Variants in CNGB3 observed in about 807,000 individuals in gnomAD.
The protein encoded by CNGB3 is cyclic nucleotide gated channel subunit beta 3.
Under a neutral mutation model 92.8 loss-of-function variants are expected in CNGB3, and 86 were observed. The ratio of observed to expected loss-of-function variants is 0.93; its 90% CI spans 0.78 to 1.11. The LOEUF (loss-of-function observed/expected upper bound fraction) is 1.11. CNGB3 is among the 50% of genes least tolerant of loss of function. CNGB3 has a pLI of 0.00. For synonymous variants in CNGB3, 333 were observed against 332.7 expected (o/e 1.00, Z -0.01); for missense variants, 1,026 against 956.8 (o/e 1.07, Z -0.95).
chr8:86,680,846 C>T (rs1824069017), intron 3 of CNGB3, among the ~76,000 whole-genome samples: 1 of 151,954 alleles, frequency 6.6e-6, no homozygotes. Flanking sequence ...CAGGTGTAGG[C>T]AATAAATGGG....
intron 3 of CNGB3, among the ~76,000 whole-genome samples, chr8:86,683,862 T>G (rs149133609): frequency 8.5e-5 from 13 of 152,276 alleles, no homozygotes; most frequent in African/African-American, 3.1e-4. Flanking sequence ...TGGACTTAAG[T>G]GGAGAACATA....
chr8:86,743,369 A>G (rs1825374018), intron 1 of CNGB3, 130 bp downstream of exon 1: 1 of 985,310 alleles, frequency 1.0e-6, no homozygotes, highest in Non-Finnish European at 1.6e-6. Flanking sequence ...GATAAGCCCG[A>G]CACAGTACAT....
chr8:86,577,060 G>A (rs1821674750), intron 17 of CNGB3, among the ~76,000 whole-genome samples: 1 of 152,054 alleles, frequency 6.6e-6, no homozygotes, highest in Non-Finnish European at 1.5e-5. Context: ...CTGAATCCCT[G>A]CTCTGTCTGT....
At chr8:86,624,895 CTT>C (rs112354214) in intron 13 of CNGB3, among the ~76,000 whole-genome samples, 3 of 152,290 alleles carry the variant, frequency 2.0e-5, no homozygotes, top group African/African-American at 7.2e-5. Context: ...GCACCATCCC[CTT>C]TGGTACTGTC....
chr8:86,645,849 A>G (rs950848210), intron 8 of CNGB3, among the ~76,000 whole-genome samples: 4 of 151,216 alleles, frequency 2.6e-5, no homozygotes, highest in Non-Finnish European at 4.5e-5. Context: ...AATAAAATGT[A>G]TATTCATTTG....
At chr8:86,730,927 T>TA (rs1825145625) in intron 2 of CNGB3, among the ~76,000 whole-genome samples, 1 of 152,156 alleles carries the variant, frequency 6.6e-6, no homozygotes, top group African/African-American at 2.4e-5. Context: ...TACTTTATAT[T>TA]AAAAACATGT....
At chr8:86,583,829 A>G (rs1821839217) in intron 15 of CNGB3, among the ~76,000 whole-genome samples, 1 of 148,688 alleles carries the variant, frequency 6.7e-6, no homozygotes, top group African/African-American at 2.5e-5. Flanking sequence ...CTGAGGTAGA[A>G]GGATCACTTG....
At chr8:86,719,727 C>T (rs764328108) in intron 3 of CNGB3, among the ~76,000 whole-genome samples, 8 of 152,170 alleles carry the variant, frequency 5.3e-5, no homozygotes, top group Admixed American at 3.3e-4. Context: ...GGAGGCATCA[C>T]ATTACCCAAC....
intron 3 of CNGB3, among the ~76,000 whole-genome samples, chr8:86,678,028 T>A (rs1824008990): frequency 6.6e-6 from 1 of 152,204 alleles, no homozygotes; most frequent in South Asian, 2.1e-4. Flanking sequence ...TCAATTTTTT[T>A]AAAACCCACT....
At chr8:86,718,346 A>T (rs1308298313) in intron 3 of CNGB3, among the ~76,000 whole-genome samples, 1 of 152,174 alleles carries the variant, frequency 6.6e-6, no homozygotes, top group Non-Finnish European at 1.5e-5. Flanking sequence ...ATTACTACTG[A>T]TACCACAGAA....
Position 86,575,533 on chromosome 8 carries a change from C to A in CNGB3, c.*271G>T. Reference sequence around the variant, plus strand: ...GGAAGAGACATCATCAGGAAAGAACCAAAGGAAAAGGAAACTTACTACATA... The same window carrying A: ...GGAAGAGACATCATCAGGAAAGAACAAAAGGAAAAGGAAACTTACTACATA... On this transcript the variant is annotated 3_prime_UTR_variant, in exon 18 of 18. Transcript: ENST00000320005. 6.0e-6 allele frequency: 2 copies of A among 335,590 alleles called. No individual in the cohort carries two copies. Among genetic ancestry groups the A allele is most frequent in the Non-Finnish European group, 1.1e-5 (2 of 185,854 alleles). 20.8% of individuals were successfully genotyped at this position (335,590 alleles called of 1,614,324 possible).
At chr8:86,613,568 C>A (rs1177346465) in intron 13 of CNGB3, among the ~76,000 whole-genome samples, 19 of 152,118 alleles carry the variant, frequency 1.2e-4, no homozygotes, top group Admixed American at 9.2e-4. Context: ...TGGAATATTT[C>A]TGCAATGAAG....
chr8:86,660,156 G>T (rs977189924), intron 6 of CNGB3: 1 of 305,592 alleles, frequency 3.3e-6, no homozygotes, highest in Non-Finnish European at 6.7e-6. Context: ...AGAAGTGGTT[G>T]TCTCAGGATT....
At chr8:86,627,861 G>C (rs115638060) in intron 12 of CNGB3, among the ~76,000 whole-genome samples, 1 of 152,138 alleles carries the variant, frequency 6.6e-6, no homozygotes, top group African/African-American at 2.4e-5. Flanking sequence ...ACTTATACAA[G>C]AATTTTCTTC....
At chr8:86,676,590 A>C (rs1196571832) in intron 3 of CNGB3, among the ~76,000 whole-genome samples, 1 of 152,180 alleles carries the variant, frequency 6.6e-6, no homozygotes, top group Non-Finnish European at 1.5e-5. Flanking sequence ...AGGAAGTGTG[A>C]CTTGAAGAAG....
chr8:86,647,639 A>C (rs940029282), intron 8 of CNGB3, among the ~76,000 whole-genome samples, 162 bp downstream of exon 8: 2 of 151,098 alleles, frequency 1.3e-5, no homozygotes, highest in African/African-American at 4.8e-5. Flanking sequence ...TCATTAAAAA[A>C]AATTATAGCA....
chr8:86,593,769 AG>A, intron 15 of CNGB3: 1 of 1,307,342 alleles, frequency 7.6e-7, no homozygotes, highest in Non-Finnish European at 1.1e-6. Flanking sequence ...ATGCCAGGGC[AG>A]TACTTATCAA....
intron 7 of CNGB3, among the ~76,000 whole-genome samples, chr8:86,649,096 G>C (rs935222792): frequency 4.0e-4 from 61 of 151,496 alleles, no homozygotes; most frequent in African/African-American, 1.5e-3. Context: ...CAAATCCCTA[G>C]GAATATACTT....
chr8:86,665,438 A>G (rs1823723128), intron 6 of CNGB3, among the ~76,000 whole-genome samples: 1 of 152,188 alleles, frequency 6.6e-6, no homozygotes, highest in Admixed American at 6.5e-5. Context: ...AAAGAAGACA[A>G]ATCTTTCTAA....
Sources: allele counts gnomAD v4.1 joint callset (sites outside exome capture counted in the v4.1 genomes callset), GRCh38; gene constraint gnomAD v4.1.1; transcripts MANE v1.5; gene names NCBI Gene and HGNC (gene_info 2026-07-23, HGNC 2026-07-21).